The following GNA12 variants were observed in gnomAD, a reference collection of about 807,000 sequenced individuals.
The protein encoded by GNA12 is G protein subunit alpha 12, also known as guanine nucleotide-binding protein subunit alpha-12.
GNA12 carries 9 observed loss-of-function variants against 26.0 expected under a neutral mutation model. The observed-to-expected ratio is 0.35, with a 90% confidence interval of 0.21 to 0.60. The LOEUF (loss-of-function observed/expected upper bound fraction) is 0.60, where lower values mean the gene tolerates loss of function less well. Among genes scored for constraint, GNA12 ranks in the 20% least tolerant of loss-of-function variants. The pLI is 0.78. For missense variants in GNA12, 405 were observed against 525.8 expected, an observed-to-expected ratio of 0.77 and a Z score of 2.25; for synonymous variants, 264 against 219.6, an observed-to-expected ratio of 1.20 and a Z score of -1.79.
chr7:2,762,771 C>T (rs1239172745), intron 2 of GNA12: 5 of 1,547,608 alleles, frequency 3.2e-6, no homozygotes, highest in Admixed American at 4.0e-5. Flanking sequence ...GTCCTTTCCA[C>T]CCAGGCTGTA....
intron 2 of GNA12, among the ~76,000 whole-genome samples, chr7:2,773,455 G>C (rs377065711): frequency 2.2e-4 from 33 of 152,110 alleles, no homozygotes; most frequent in Non-Finnish European, 4.1e-4. Flanking sequence ...CCAGCTACTC[G>C]GGAGGCTGAG....
chr7:2,803,792 C>CCAAAA lies in GNA12; in HGVS notation c.310-8654_310-8650dup, dbSNP rs372828318. Among the ~76,000 whole-genome samples the CCAAAA allele has an allele frequency of 1.8e-3, 273 of 149,592 alleles. 2 individuals carry two copies. The highest frequency in any genetic ancestry group is 6.1e-3 in the African/African-American group (250 of 40,742). On this transcript the variant is annotated intron_variant, in intron 1 of 3. Transcript: ENST00000275364. ...GCCTTGAAAAGGTTTTCCTAAAAGT[C>CCAAAA]CAAAACAAAACAAAACAAAACAAAC...
At chr7:2,750,308 T>TG (rs1313568873) in intron 2 of GNA12, among the ~76,000 whole-genome samples, 1 of 152,122 alleles carries the variant, frequency 6.6e-6, no homozygotes, top group Non-Finnish European at 1.5e-5. Context: ...GACAGGCAAA[T>TG]GCAGAGAATC....
At chr7:2,803,405 G>A (rs1285875000) in intron 1 of GNA12, among the ~76,000 whole-genome samples, 1 of 152,240 alleles carries the variant, frequency 6.6e-6, no homozygotes, top group African/African-American at 2.4e-5. Flanking sequence ...TGGGACAGGA[G>A]GCAGGGAAGG....
At position 2,810,808 on chromosome 7, in the gene GNA12, G is replaced by C. The variant is rs540769336; in HGVS notation, c.310-15665C>G. ...AGCTACGTGGGAGGTTGAGGCAAGA[G>C]AATCACTTGAACCCAGGAGGCAAAG... On this transcript the variant is annotated intron_variant, in intron 1 of 3. Transcript: ENST00000275364. 2.6e-5 allele frequency among the ~76,000 whole-genome samples: 4 copies of C among 152,224 alleles called. No individual in the cohort carries two copies. In the East Asian group the frequency reaches 7.7e-4, roughly 29 times the overall value.
chr7:2,746,614 A>C (rs1316669133), intron 2 of GNA12, among the ~76,000 whole-genome samples: 1 of 152,178 alleles, frequency 6.6e-6, no homozygotes, highest in African/African-American at 2.4e-5. Flanking sequence ...AAGAACTAGA[A>C]AAGCAAGAAC....
At chr7:2,812,100 G>A (rs1222714435) in intron 1 of GNA12, among the ~76,000 whole-genome samples, 1 of 152,214 alleles carries the variant, frequency 6.6e-6, no homozygotes, top group East Asian at 1.9e-4. Flanking sequence ...GAGAACTTGC[G>A]TTTCAGGCAA....
In GNA12 at chr7:2,789,136, T is replaced by TACATGAGTCACAGTGA; in HGVS notation, c.525+5791_525+5792insTCACTGTGACTCATGT. Among the ~76,000 whole-genome samples, 79 of 105,402 alleles carry TACATGAGTCACAGTGA rather than the reference T, an allele frequency of 7.5e-4. 4 individuals are homozygous for TACATGAGTCACAGTGA. The highest frequency in any genetic ancestry group is 6.6e-3 in the Middle Eastern group (1 of 152). The allele number at this position is 105,402 out of a possible 152,430, so 69.1% of individuals were successfully genotyped here. On this transcript the variant is annotated intron_variant, in intron 2 of 3. Transcript: ENST00000275364. ...TGCCCGGACCCCTTCAGGCATCTTT[T>TACATGAGTCACAGTGA]TTTTTTTTTTTTTTTTTGAGACGGA...
chr7:2,728,728 G>A lies in GNA12; in HGVS notation c.*2453C>T, dbSNP rs1041770402. ...CAAAACTGACTAGAGTCTATGTGTA[G>A]CCAAGTTGTGAATGACAGTTTAGCC... On this transcript the variant is annotated 3_prime_UTR_variant, in exon 4 of 4. Coordinates refer to ENST00000275364, the MANE Select transcript of GNA12 (RefSeq NM_007353.3). The A allele has an allele frequency of 6.6e-6, 1 of 151,458 alleles. No homozygotes were observed. The highest frequency in any genetic ancestry group is 1.5e-5 in the Non-Finnish European group (1 of 67,678). 9.4% of individuals were successfully genotyped at this position (151,458 alleles called of 1,614,324 possible). A position where few individuals can be genotyped will look rare whatever the true frequency, so the allele number is the denominator to read the frequency against.
chr7:2,770,835 T>C (rs745972957), intron 2 of GNA12, among the ~76,000 whole-genome samples: 14 of 152,238 alleles, frequency 9.2e-5, no homozygotes, highest in South Asian at 2.1e-4. Context: ...CTGTATACCA[T>C]AGGAATACTG....
At chr7:2,800,023 G>A (rs1041591257) in intron 1 of GNA12, among the ~76,000 whole-genome samples, 13 of 152,152 alleles carry the variant, frequency 8.5e-5, no homozygotes, top group African/African-American at 3.1e-4. Flanking sequence ...CTGTACTTGG[G>A]TATTTATCTC....
At chr7:2,815,042 C>G in intron 1 of GNA12, 3 of 1,488,054 alleles carry the variant, frequency 2.0e-6, no homozygotes, top group Non-Finnish European at 2.7e-6. Context: ...CCTGTCAAAG[C>G]CACCAAGCGC....
chr7:2,732,922 A>G (rs1789973926), intron 3 of GNA12, among the ~76,000 whole-genome samples: 1 of 152,262 alleles, frequency 6.6e-6, no homozygotes, highest in Admixed American at 6.5e-5. Context: ...ATCAACATGA[A>G]AACATTAATG....
At chr7:2,741,429 C>T (rs1197232188) in intron 2 of GNA12, among the ~76,000 whole-genome samples, 2 of 152,244 alleles carry the variant, frequency 1.3e-5, no homozygotes, top group East Asian at 3.9e-4. Flanking sequence ...AGGCTTCCAC[C>T]ACAGAATCTC....
At position 2,737,721 on chromosome 7, in the gene GNA12, G is replaced by A. The variant is rs185288943; in HGVS notation, c.526-4220C>T. The stretch of plus-strand genomic sequence containing the variant: ...CAAAATCTAGTTCACTCACTTCAAC[G>A]TGACAAATTACAAAGACAAATTTTA... On this transcript the variant is annotated intron_variant, in intron 2 of 3. Coordinates refer to ENST00000275364, the MANE Select transcript of GNA12 (RefSeq NM_007353.3). Among the ~76,000 whole-genome samples the A allele has an allele frequency of 4.3e-3, 656 of 152,318 alleles. 6 individuals carry two copies. The highest frequency in any genetic ancestry group is 0.015 in the African/African-American group (624 of 41,544).
At chr7:2,759,829 G>A (rs77925799) in intron 2 of GNA12, among the ~76,000 whole-genome samples, 2 of 152,142 alleles carry the variant, frequency 1.3e-5, no homozygotes, top group East Asian at 3.9e-4. Context: ...TTTCTGCAAC[G>A]GGTGCAGATG....
Position 2,737,269 on chromosome 7 carries a change from G to GTTTTTTTTTTT in GNA12, c.526-3769_526-3768insAAAAAAAAAAA, listed in dbSNP as rs1317020597. Among the ~76,000 whole-genome samples the GTTTTTTTTTTT allele has an allele frequency of 8.1e-4, 31 of 38,126 alleles. 4 individuals are homozygous for GTTTTTTTTTTT. Among genetic ancestry groups the GTTTTTTTTTTT allele is most frequent in the South Asian group, 3.1e-3 (4 of 1,284 alleles). 25.0% of individuals were successfully genotyped at this position (38,126 alleles called of 152,430 possible). ...CATTCAGGAGCTATCTCACAGTTTT[G>GTTTTTTTTTTT]TTTTGTTTTTTTTTTTTTTGTTTTT... On this transcript the variant is annotated intron_variant, in intron 2 of 3. Transcript: ENST00000275364.
At chr7:2,735,185 C>G (rs1003794656) in intron 2 of GNA12, among the ~76,000 whole-genome samples, 12 of 152,370 alleles carry the variant, frequency 7.9e-5, no homozygotes, top group Admixed American at 7.8e-4. Flanking sequence ...CTGCCCTCCC[C>G]TGGGCCTCGG....
In GNA12 at chr7:2,730,473, A is replaced by C. The variant is rs1019795294; in HGVS notation, c.*708T>G. On this transcript the variant is annotated 3_prime_UTR_variant, in exon 4 of 4. Transcript: ENST00000275364. ...GGGCTGAGCCTGCTGTAGGGGCGTA[A>C]GGTGAATCCACACCTGCAGAGCTCT... 10 of 152,428 alleles carry C rather than the reference A, an allele frequency of 6.6e-5. No individual in the cohort carries two copies. Among genetic ancestry groups the C allele is most frequent in the African/African-American group, 2.2e-4 (9 of 41,444 alleles). 9.4% of individuals were successfully genotyped at this position (152,428 alleles called of 1,614,324 possible).
Sources: allele counts gnomAD v4.1 joint callset (sites outside exome capture counted in the v4.1 genomes callset), GRCh38; gene constraint gnomAD v4.1.1; transcripts MANE v1.5; gene names NCBI Gene and HGNC (gene_info 2026-07-23, HGNC 2026-07-21).